The following MYBPC3 variants were observed in gnomAD, a reference collection of about 807,000 sequenced individuals.
MYBPC3 encodes the protein myosin binding protein C3.
Under a neutral mutation model 159.3 loss-of-function variants are expected in MYBPC3, and 108 were observed. That is an observed-to-expected ratio of 0.68 (90% confidence interval 0.58 to 0.80). The LOEUF (loss-of-function observed/expected upper bound fraction) is 0.80. Among genes scored for constraint, MYBPC3 ranks in the 30% least tolerant of loss-of-function variants. The probability of loss-of-function intolerance (pLI) is 0.00; values close to 1 mark genes in which losing one functional copy is unlikely to be tolerated. For synonymous variants in MYBPC3, 730 were observed against 702.0 expected (o/e 1.04, Z -0.63); for missense variants, 1,631 against 1,762.1 (o/e 0.93, Z 1.33).
chr11:47,340,864 A>G lies in MYBPC3; in HGVS notation c.1927+139T>C, dbSNP rs997736465. Reference sequence around the variant, plus strand: ...CAGAGATTATAATTGACCCATGGTCATGAGTGGCAAAGCTGAAGCTGGGCC... The same window carrying G: ...CAGAGATTATAATTGACCCATGGTCGTGAGTGGCAAAGCTGAAGCTGGGCC... On this transcript the variant is annotated intron_variant, in intron 20 of 34. Coordinates refer to ENST00000545968, the MANE Select transcript of MYBPC3 (RefSeq NM_000256.3). 34 of 972,274 alleles carry G rather than the reference A, an allele frequency of 3.5e-5. 1 individual carries two copies. The South Asian group carries it at 6.5e-4, about 19-fold the overall frequency. The allele number at this position is 972,274 out of a possible 1,614,324, so 60.2% of individuals were successfully genotyped here.
At position 47,351,289 on chromosome 11, in the gene MYBPC3, A is replaced by T; in HGVS notation, c.242T>A (p.Val81Asp). The T allele has an allele frequency of 6.4e-7, 1 of 1,566,016 alleles. No individual in the cohort carries two copies. The highest frequency in any genetic ancestry group is 8.7e-7 in the Non-Finnish European group (1 of 1,153,394). Residue 81 changes from valine (V) to aspartate (D), a missense_variant, in exon 2 of 35, where the codon GTC (valine) becomes GAC (aspartate). Transcript: ENST00000545968. The surrounding 1 kb of genome is among the most constrained non-coding windows in gnomAD (Gnocchi z 4.2). ...VGPADQGSYA[V>D]IAGSSKVKFD... The stretch of plus-strand genomic sequence containing the variant: ...CTTGACCTTGGAGGAGCCAGCAATG[A>T]CTGCGTAAGATCCCTGGTCGGCAGG...
chr11:47,346,701 C>T lies in MYBPC3; in HGVS notation c.909-57G>A, dbSNP rs2095894529. On this transcript the variant is annotated intron_variant, in intron 10 of 34. Coordinates refer to ENST00000545968, the MANE Select transcript of MYBPC3 (RefSeq NM_000256.3). The surrounding 1 kb of genome is among the most constrained non-coding windows in gnomAD (Gnocchi z 5.3). ...AGGTGGCACATGAGAGGTATGGCCA[C>T]CTTCCCTCAAAGACCTGGACCCCAC... 1.3e-6 allele frequency: 2 copies of T among 1,537,090 alleles called. No homozygotes were observed. The highest frequency in any genetic ancestry group is 2.3e-5 in the East Asian group (1 of 43,622).
At chr11:47,333,364 C>A (rs565522424) in intron 29 of MYBPC3, 31 bp from the exon 30 acceptor site, 3 of 1,530,678 alleles carry the variant, frequency 2.0e-6, no homozygotes, top group Non-Finnish European at 1.8e-6. Context: ...TGGGTCACCA[C>A]GCCTCCTGAC....
intron 29 of MYBPC3, 47 bp from the exon 30 acceptor site, chr11:47,333,380 G>GC (rs1028131579): frequency 5.2e-5 from 79 of 1,516,498 alleles, no homozygotes; most frequent in Non-Finnish European, 6.7e-5. Context: ...CTGACAGTGA[G>GC]CAGGGGGTCA....
Position 47,341,257 on chromosome 11 carries a change from A to AGT in MYBPC3, c.1791-15_1791-14dup. On this transcript the variant is annotated splice_polypyrimidine_tract_variant and intron_variant, in intron 18 of 34. Coordinates refer to ENST00000545968, the MANE Select transcript of MYBPC3 (RefSeq NM_000256.3). ...CAGTTTGTGGACCCTGCAGGGGAGC[A>AGT]GTGGCTCAGGGGACCCCACTGGGCC... 6.4e-7 allele frequency: 1 copy of AGT among 1,563,364 alleles called. No homozygotes were observed. The highest frequency in any genetic ancestry group is 8.7e-7 in the Non-Finnish European group (1 of 1,152,922).
At chr11:47,339,520 C>G in intron 21 of MYBPC3, 116 bp from the exon 22 acceptor site, 1 of 1,486,026 alleles carries the variant, frequency 6.7e-7, no homozygotes, top group Non-Finnish European at 9.2e-7. Context: ...TGCCCCCTGA[C>G]CAGTCTCTCC....
In MYBPC3 at chr11:47,339,799, GAC is replaced by G; in HGVS notation, c.1928-11_1928-10del. The G allele has an allele frequency of 6.2e-7, 1 of 1,612,010 alleles. No homozygotes were observed. The highest frequency in any genetic ancestry group is 8.5e-7 in the Non-Finnish European group (1 of 1,178,258). ...GTGGATCTTGGGAGGTTCTGCAGAAGACACAATGTAGTTCAGAGAAACGGGAG... is the reference window on the plus strand; with the variant it reads ...GTGGATCTTGGGAGGTTCTGCAGAAGACAATGTAGTTCAGAGAAACGGGAG... On this transcript the variant is annotated splice_polypyrimidine_tract_variant and intron_variant, in intron 20 of 34. Transcript: ENST00000545968.
At chr11:47,352,559 T>C in intron 1 of MYBPC3, 64 bp downstream of exon 1, 1 of 1,591,582 alleles carries the variant, frequency 6.3e-7, no homozygotes, top group Non-Finnish European at 8.6e-7. Context: ...CTCCTAGCCC[T>C]GCTCCCCAAT....
chr11:47,346,436 G>A lies in MYBPC3; in HGVS notation c.927-66C>T, dbSNP rs2095894249. Reference sequence around the variant, plus strand: ...CAGCCCCCTGGGCGGGGCTTCCTGGGCCCAGGACCAAGGAGCTGTAGCCAC... The same window carrying A: ...CAGCCCCCTGGGCGGGGCTTCCTGGACCCAGGACCAAGGAGCTGTAGCCAC... On this transcript the variant is annotated intron_variant, in intron 11 of 34. Coordinates refer to ENST00000545968, the MANE Select transcript of MYBPC3 (RefSeq NM_000256.3). The surrounding 1 kb of genome is among the most constrained non-coding windows in gnomAD (Gnocchi z 5.3). 3 of 1,484,008 alleles carry A rather than the reference G, an allele frequency of 2.0e-6. No homozygotes were observed. Among genetic ancestry groups the A allele is most frequent in the African/African-American group, 1.4e-5 (1 of 71,472 alleles). The allele number at this position is 1,484,008 out of a possible 1,614,324, so 91.9% of individuals were successfully genotyped here.
chr11:47,334,933 C>T (rs2095880743), intron 27 of MYBPC3, 109 bp downstream of exon 27: 4 of 1,236,882 alleles, frequency 3.2e-6, no homozygotes, highest in Non-Finnish European at 3.1e-6. Context: ...CTCTGCCCAG[C>T]GTTCTGGGCA....
chr11:47,351,612 A>G lies in MYBPC3; in HGVS notation c.26-107T>C, dbSNP rs2095901150. 6.5e-6 allele frequency: 8 copies of G among 1,221,818 alleles called. No homozygotes were observed. The highest frequency in any genetic ancestry group is 8.8e-6 in the Non-Finnish European group (8 of 908,396). The allele number at this position is 1,221,818 out of a possible 1,614,324, so 75.7% of individuals were successfully genotyped here. A position where few individuals can be genotyped will look rare whatever the true frequency, so the allele number is the denominator to read the frequency against. On this transcript the variant is annotated intron_variant, in intron 1 of 34. Coordinates refer to ENST00000545968, the MANE Select transcript of MYBPC3 (RefSeq NM_000256.3). This position sits in a 1 kb window ranked among gnomAD's most constrained non-coding sequence, Gnocchi z 4.2. The stretch of plus-strand genomic sequence containing the variant: ...GCTAGCACTTTCTATGCATCCCCTC[A>G]CGTAATACTCTACCAGTTCTCTGAG...
At position 47,346,488 on chromosome 11, in the gene MYBPC3, G is replaced by A; in HGVS notation, c.927-118C>T. 6.9e-7 allele frequency: 1 copy of A among 1,456,398 alleles called. No homozygotes were observed. Among genetic ancestry groups the A allele is most frequent in the Non-Finnish European group, 9.2e-7 (1 of 1,092,828 alleles). The allele number at this position is 1,456,398 out of a possible 1,614,324, so 90.2% of individuals were successfully genotyped here. On this transcript the variant is annotated intron_variant, in intron 11 of 34. Coordinates refer to ENST00000545968, the MANE Select transcript of MYBPC3 (RefSeq NM_000256.3). This position sits in a 1 kb window ranked among gnomAD's most constrained non-coding sequence, Gnocchi z 5.3. ...CCTGTCCCTCTGCCCCTTCCCTTCT[G>A]GTGGGGCAGCTGGAGCTGCTCTGGG...
At chr11:47,350,415 C>T (rs1195765337) in intron 3 of MYBPC3, 87 bp downstream of exon 3, 66 of 1,517,664 alleles carry the variant, frequency 4.3e-5, no homozygotes, top group South Asian at 6.4e-5. Context: ...CCTGAGCCAC[C>T]GCACCTGGCC....
intron 20 of MYBPC3, among the ~76,000 whole-genome samples, chr11:47,340,226 C>T (rs1024064215): frequency 3.6e-5 from 5 of 138,610 alleles, no homozygotes; most frequent in Middle Eastern, 7.1e-3. Flanking sequence ...CATACATACA[C>T]GCACACACAC....
At position 47,343,264 on chromosome 11, in the gene MYBPC3, T is replaced by C. The variant is rs397515891; in HGVS notation, c.1224-2A>G. On this transcript the variant is annotated splice_acceptor_variant, in intron 13 of 34. Transcript: ENST00000545968. LOFTEE classifies it high-confidence loss of function. Reference sequence around the variant, plus strand: ...GCCATCCAGAGGGGAACTTACTTGCTGTAGAACAGAAGGGGCCGTTGAAGT... The same window carrying C: ...GCCATCCAGAGGGGAACTTACTTGCCGTAGAACAGAAGGGGCCGTTGAAGT... 1 of 1,561,620 alleles carries C rather than the reference T, an allele frequency of 6.4e-7. No homozygotes were observed. Among genetic ancestry groups the C allele is most frequent in the Non-Finnish European group, 8.6e-7 (1 of 1,157,930 alleles).
At chr11:47,333,168 G>T in intron 30 of MYBPC3, 26 bp downstream of exon 30, 1 of 1,595,708 alleles carries the variant, frequency 6.3e-7, no homozygotes, top group Non-Finnish European at 8.5e-7. Flanking sequence ...CAGGGTGCAC[G>T]TGGGGACCCC....
rs1184168351 is a variant in MYBPC3 at position 47,343,475 on chromosome 11, C to G, written c.1223+17G>C. Reference sequence around the variant, plus strand: ...CCCCACCTCCACCCGAGCCCCCCTCCCCACCCCAGGCTGCACCTGCCGCTC... The same window carrying G: ...CCCCACCTCCACCCGAGCCCCCCTCGCCACCCCAGGCTGCACCTGCCGCTC... On this transcript the variant is annotated intron_variant, in intron 13 of 34. Coordinates refer to ENST00000545968, the MANE Select transcript of MYBPC3 (RefSeq NM_000256.3). 9.6e-6 allele frequency: 15 copies of G among 1,568,980 alleles called. No homozygotes were observed. The highest frequency in any genetic ancestry group is 1.4e-5 in the African/African-American group (1 of 73,908).
chr11:47,349,814 T>C lies in MYBPC3; in HGVS notation c.614A>G (p.Gln205Arg), dbSNP rs1347636396. 1 of 1,610,472 alleles carries C rather than the reference T, an allele frequency of 6.2e-7. No homozygotes were observed. Among genetic ancestry groups the C allele is most frequent in the African/African-American group, 1.3e-5 (1 of 74,928 alleles). Residue 205 changes from glutamine to arginine, a missense_variant, in exon 5 of 35, where the codon CAG becomes CGG. By Grantham distance (43) the Gln-to-Arg change is conservative. Transcript: ENST00000545968. ...GTAGCTGTCGTGCAGCTGCAGGTGC[T>C]GGCCCACCTTGCTGCTCAGGTCCAC... is the stretch of plus-strand genomic sequence containing the variant. ...KWVDLSSKVG[Q>R]HLQLHDSYDR...
intron 6 of MYBPC3, among the ~76,000 whole-genome samples, chr11:47,348,130 C>A (rs2095896304): frequency 6.6e-6 from 1 of 152,184 alleles, no homozygotes; most frequent in South Asian, 2.1e-4. Context: ...TCTCAACTCA[C>A]CTTCACCCAT....
Sources: allele counts gnomAD v4.1 joint callset (sites outside exome capture counted in the v4.1 genomes callset), GRCh38; gene constraint gnomAD v4.1.1; non-coding constraint Gnocchi (gnomAD v3.1); transcripts MANE v1.5; gene names NCBI Gene and HGNC (gene_info 2026-07-23, HGNC 2026-07-21).